GEMIN2: variants seen among roughly 807,000 people sequenced by gnomAD.
GEMIN2 encodes gem-associated protein 2.
In GEMIN2, 37 loss-of-function variants were observed where a neutral mutation model predicts 45.8. The observed-to-expected ratio is 0.81, with a 90% confidence interval of 0.62 to 1.06. The LOEUF is 1.06. GEMIN2 is among the 50% of genes least tolerant of loss of function. The pLI is 0.00. For missense variants in GEMIN2, 335 were observed against 321.8 expected, an observed-to-expected ratio of 1.04 and a Z score of -0.31; for synonymous variants, 101 against 111.5, an observed-to-expected ratio of 0.91 and a Z score of 0.60.
chr14:39,118,132 TTC>T (rs1200321648), intron 3 of GEMIN2, 44 bp downstream of exon 3: 1 of 1,038,350 alleles, frequency 9.6e-7, no homozygotes. Context: ...TTGGATTTAT[TTC>T]TGTTCTTAGA....
rs555921183 is a variant in GEMIN2, at chr14:39,128,122, CTAA to C, written c.532-156_532-154del. On this transcript the variant is annotated intron_variant, in intron 6 of 9. Transcript: ENST00000308317. ...TCATTGGATAAGCCGCCTAATCAAA[CTAA>C]TTAGAGTCAAACAAATTAGCTTTCT... 4.4e-3 allele frequency among the ~76,000 whole-genome samples: 587 copies of C among 134,614 alleles called. 4 individuals are homozygous for C. Among genetic ancestry groups the C allele is most frequent in the Non-Finnish European group, 5.3e-3 (336 of 62,956 alleles). 88.3% of individuals were successfully genotyped at this position (134,614 alleles called of 152,430 possible). A position where few individuals can be genotyped will look rare whatever the true frequency, so the allele number is the denominator to read the frequency against.
chr14:39,125,893 A>C (rs1292080803), intron 6 of GEMIN2, among the ~76,000 whole-genome samples: 1 of 151,878 alleles, frequency 6.6e-6, no homozygotes, highest in Non-Finnish European at 1.5e-5. Flanking sequence ...GGAGGTGTGC[A>C]CTTGTAATCC....
Position 39,128,290 on chromosome 14 carries a change from C to A in GEMIN2, c.542C>A (p.Thr181Asn), listed in dbSNP as rs367827960. 126 of 1,533,878 alleles carry A rather than the reference C, an allele frequency of 8.2e-5. No homozygotes were observed. In the East Asian group the frequency reaches 2.5e-3, roughly 31 times the overall value. The change falls in exon 7 of 10, where the codon ACT becomes AAT. Residue 181 changes from threonine (T) to asparagine (N), a missense_variant. Transcript: ENST00000308317. ...IVSRMNQATV[T>N]SVLEYLSNWF... ...TCTTTTTTTTTTTAGGCAACAGTAA[C>A]TAGTGTCTTGGAATATCTGAGTAAT...
intron 5 of GEMIN2, among the ~76,000 whole-genome samples, chr14:39,123,050 A>G (rs75241818): frequency 6.6e-6 from 1 of 152,282 alleles, no homozygotes; most frequent in Non-Finnish European, 1.5e-5. Flanking sequence ...ATGGGCCTGT[A>G]AAAAATAAAT....
chr14:39,133,388 A>G (rs190693416), intron 8 of GEMIN2, among the ~76,000 whole-genome samples: 24 of 150,010 alleles, frequency 1.6e-4, no homozygotes, highest in Admixed American at 1.4e-3. Context: ...AGTAGGAACC[A>G]GGGAAAAATT....
rs1594523053 is a variant in GEMIN2 at position 39,134,968 on chromosome 14, G to A, written c.770+1249G>A. 2.6e-5 allele frequency among the ~76,000 whole-genome samples: 4 copies of A among 151,570 alleles called. 1 individual carries two copies. The East Asian group carries it at 7.7e-4, about 29-fold the overall frequency. On this transcript the variant is annotated intron_variant, in intron 9 of 9. Coordinates refer to ENST00000308317, the MANE Select transcript of GEMIN2 (RefSeq NM_003616.3). Reference sequence around the variant, plus strand: ...ACTCTTTACAATAGATCAGAGTTGTGTTTTTGTTTTTGTTTTTGTTTTAAT... The same window carrying A: ...ACTCTTTACAATAGATCAGAGTTGTATTTTTGTTTTTGTTTTTGTTTTAAT...
intron 9 of GEMIN2, among the ~76,000 whole-genome samples, chr14:39,135,440 G>C (rs1374952169): frequency 6.6e-6 from 1 of 151,964 alleles, no homozygotes; most frequent in African/African-American, 2.4e-5. Flanking sequence ...AGGAAAATTA[G>C]CCGGGCACGG....
chr14:39,131,728 G>A, intron 7 of GEMIN2: 1 of 396,750 alleles, frequency 2.5e-6, no homozygotes, highest in Non-Finnish European at 4.4e-6. Flanking sequence ...ACTCTTTGGA[G>A]ATCAGGGAAT....
chr14:39,122,667 CTAAGGATTGTT>C, intron 5 of GEMIN2, 124 bp downstream of exon 5: 1 of 508,544 alleles, frequency 2.0e-6, no homozygotes, highest in Non-Finnish European at 3.5e-6. Context: ...TATCCATGAG[CTAAGGATTGTT>C]TTTAGGTTTT....
Position 39,114,733 on chromosome 14 carries a change from T to A in GEMIN2, c.138-96T>A, listed in dbSNP as rs2052479337. On this transcript the variant is annotated intron_variant, in intron 1 of 9. Coordinates refer to ENST00000308317, the MANE Select transcript of GEMIN2 (RefSeq NM_003616.3). ...ATTGGAAGTCTGAATTTTTTTCTGATTTCACAATGAACTGTGGAAGTGGAT... is the reference window on the plus strand; with the variant it reads ...ATTGGAAGTCTGAATTTTTTTCTGAATTCACAATGAACTGTGGAAGTGGAT... 7 of 758,238 alleles carry A rather than the reference T, an allele frequency of 9.2e-6. No individual in the cohort carries two copies. In the South Asian group the frequency reaches 1.1e-4, roughly 12 times the overall value. The allele number at this position is 758,238 out of a possible 1,614,324, so 47.0% of individuals were successfully genotyped here.
chr14:39,115,906 C>A (rs1406020668), intron 2 of GEMIN2, among the ~76,000 whole-genome samples: 7 of 152,114 alleles, frequency 4.6e-5, no homozygotes, highest in Admixed American at 4.6e-4. Context: ...AGTTTACATA[C>A]CCTCCTGAGG....
At position 39,114,463 on chromosome 14, in the gene GEMIN2, T is replaced by G. The variant is rs1411514167; in HGVS notation, c.125T>G (p.Leu42Arg). 1 of 1,612,678 alleles carries G rather than the reference T, an allele frequency of 6.2e-7. No individual in the cohort carries two copies. The highest frequency in any genetic ancestry group is 8.5e-7 in the Non-Finnish European group (1 of 1,178,938). ...SVPPRTPQEY[L>R]RRVQIEAAQC... ...CCCCCGAGGACGCCTCAGGAATACC[T>G]GAGGCGGGTCCAGTGAGTGATTCGG... The change falls in exon 1 of 10, where the codon CTG (leucine) becomes CGG (arginine). Residue 42 changes from leucine to arginine, a missense_variant. By Grantham distance (102) the Leu-to-Arg change is moderately radical (BLOSUM62 -2). Transcript: ENST00000308317.
chr14:39,127,591 C>G (rs2052660892), intron 6 of GEMIN2, among the ~76,000 whole-genome samples: 1 of 151,950 alleles, frequency 6.6e-6, no homozygotes, highest in South Asian at 2.1e-4. Flanking sequence ...CCACCTGCCT[C>G]GGCCTCCCAA....
chr14:39,119,830 A>G (rs1381321288), intron 4 of GEMIN2, among the ~76,000 whole-genome samples: 1 of 152,198 alleles, frequency 6.6e-6, no homozygotes, highest in Non-Finnish European at 1.5e-5. Flanking sequence ...TTTAACTTGT[A>G]AAAGGTATAG....
intron 9 of GEMIN2, among the ~76,000 whole-genome samples, chr14:39,135,077 GT>G (rs1469389268): frequency 6.6e-6 from 1 of 152,050 alleles, no homozygotes; most frequent in Non-Finnish European, 1.5e-5. Context: ...TAAGTAATTG[GT>G]AGCTCAGCAA....
At chr14:39,133,424 C>T (rs147443186) in intron 8 of GEMIN2, among the ~76,000 whole-genome samples, 8 of 149,980 alleles carry the variant, frequency 5.3e-5, no homozygotes, top group East Asian at 1.9e-4. Flanking sequence ...CCCTTAGATC[C>T]CTCTTTATTT....
intron 2 of GEMIN2, among the ~76,000 whole-genome samples, chr14:39,115,408 T>C (rs971466444): frequency 6.6e-6 from 1 of 151,920 alleles, no homozygotes; most frequent in Non-Finnish European, 1.5e-5. Flanking sequence ...TGTTCTGAAT[T>C]TGACCAAGTT....
At chr14:39,123,140 T>C (rs1175625085) in intron 5 of GEMIN2, among the ~76,000 whole-genome samples, 1 of 152,210 alleles carries the variant, frequency 6.6e-6, no homozygotes, top group African/African-American at 2.4e-5. Flanking sequence ...GACAACTCCT[T>C]GTCCTTCAGG....
intron 4 of GEMIN2, 21 bp from the exon 5 acceptor site, chr14:39,122,409 G>GC: frequency 9.7e-7 from 1 of 1,028,766 alleles, no homozygotes; most frequent in South Asian, 1.4e-5. Flanking sequence ...GAATAAATCA[G>GC]TTTTTTTTTT....
Sources: allele counts gnomAD v4.1 joint callset (sites outside exome capture counted in the v4.1 genomes callset), GRCh38; gene constraint gnomAD v4.1.1; transcripts MANE v1.5; gene names NCBI Gene and HGNC (gene_info 2026-07-23, HGNC 2026-07-21).